Variants in XIRP2 observed in about 807,000 individuals in gnomAD.
The protein encoded by XIRP2 is xin actin-binding repeat-containing protein 2.
A neutral mutation model predicts 277.0 loss-of-function variants in XIRP2; 236 were observed. The ratio of observed to expected loss-of-function variants is 0.85; its 90% CI spans 0.77 to 0.95. XIRP2 has a LOEUF of 0.95. Ranked by LOEUF, XIRP2 falls within the 40% of genes least tolerant of loss-of-function variation. The probability of loss-of-function intolerance (pLI) is 0.00; values close to 1 mark genes in which losing one functional copy is unlikely to be tolerated. For synonymous variants in XIRP2, 1,490 were observed against 1,416.5 expected, an observed-to-expected ratio of 1.05 and a Z score of -1.17; for missense variants, 4,640 against 4,157.5, an observed-to-expected ratio of 1.12 and a Z score of -3.19.
chr2:167,125,537 T>C (rs1691176567), intron 2 of XIRP2, among the ~76,000 whole-genome samples: 1 of 152,158 alleles, frequency 6.6e-6, no homozygotes, highest in Admixed American at 6.6e-5. Context: ...AAAATAGAGG[T>C]AGCTACCTCA....
chr2:167,192,928 T>C (rs1419724797), intron 3 of XIRP2, among the ~76,000 whole-genome samples: 1 of 152,188 alleles, frequency 6.6e-6, no homozygotes, highest in Non-Finnish European at 1.5e-5. Flanking sequence ...GTAGAAAATA[T>C]GCTAGTCCTC....
intron 2 of XIRP2, among the ~76,000 whole-genome samples, chr2:166,981,698 G>T (rs555291538): frequency 1.3e-5 from 2 of 152,244 alleles, no homozygotes; most frequent in East Asian, 3.9e-4. Context: ...ACCGCACCCA[G>T]TTCCTTCTCC....
intron 3 of XIRP2, among the ~76,000 whole-genome samples, chr2:167,186,590 T>C (rs1310200959): frequency 6.6e-6 from 1 of 152,108 alleles, no homozygotes; most frequent in Non-Finnish European, 1.5e-5. Context: ...ATGGCAATGC[T>C]CATTGGGTTC....
At chr2:167,206,269 T>C (rs993839622) in intron 3 of XIRP2, among the ~76,000 whole-genome samples, 2 of 152,304 alleles carry the variant, frequency 1.3e-5, no homozygotes, top group Non-Finnish European at 2.9e-5. Context: ...CAATTTTTTT[T>C]CTTCTAGTAT....
At chr2:167,021,393 CAAA>C (rs1687977030) in intron 2 of XIRP2, among the ~76,000 whole-genome samples, 1 of 151,996 alleles carries the variant, frequency 6.6e-6, no homozygotes, top group Admixed American at 6.6e-5. Context: ...TGTCTGCTCC[CAAA>C]ACAGTATATT....
At chr2:167,023,803 C>A (rs2105489848) in intron 2 of XIRP2, among the ~76,000 whole-genome samples, 1 of 152,142 alleles carries the variant, frequency 6.6e-6, no homozygotes, top group Admixed American at 6.6e-5. Flanking sequence ...CTGTTCTGTT[C>A]CATTGATCTA....
At chr2:167,104,091 A>G (rs921687219) in intron 2 of XIRP2, among the ~76,000 whole-genome samples, 3 of 152,154 alleles carry the variant, frequency 2.0e-5, no homozygotes, top group Admixed American at 1.3e-4. Context: ...GCACACCAGT[A>G]TGATATGAGG....
intron 2 of XIRP2, among the ~76,000 whole-genome samples, chr2:166,904,230 A>C (rs1404699318): frequency 6.6e-6 from 1 of 152,164 alleles, no homozygotes; most frequent in Non-Finnish European, 1.5e-5. Flanking sequence ...CAAACATTTA[A>C]CAAATGGTGT....
At chr2:167,151,225 T>C (rs1463496584) in intron 3 of XIRP2, among the ~76,000 whole-genome samples, 2 of 152,128 alleles carry the variant, frequency 1.3e-5, no homozygotes, top group Non-Finnish European at 2.9e-5. Flanking sequence ...CCTTATAGGA[T>C]GCAGTTCAGG....
Position 167,244,523 on chromosome 2 carries a change from C to T in XIRP2, c.3131C>T (p.Ala1044Val). 6.2e-7 allele frequency: 1 copy of T among 1,613,474 alleles called. No individual in the cohort carries two copies. The highest frequency in any genetic ancestry group is 8.5e-7 in the Non-Finnish European group (1 of 1,179,730). ...TTTCAAATAATTAGAGGAATATCTG[C>T]TCAAGAAATACAGACTGGAAATGTG... ...HKFQIIRGIS[A>V]QEIQTGNVKS... is the part of the protein sequence containing the mutation. Residue 1044 changes from alanine to valine, a missense_variant, in exon 9 of 11, where the codon GCT (alanine) becomes GTT (valine). Transcript: ENST00000409195.
intron 3 of XIRP2, among the ~76,000 whole-genome samples, chr2:167,192,391 G>A (rs1311429542): frequency 6.6e-6 from 1 of 152,102 alleles, no homozygotes; most frequent in Admixed American, 6.6e-5. Context: ...ATTCAGCACT[G>A]CCCTAATAAG....
intron 3 of XIRP2, among the ~76,000 whole-genome samples, chr2:167,198,165 A>C (rs1173736487): frequency 1.3e-5 from 2 of 152,210 alleles, no homozygotes; most frequent in Non-Finnish European, 2.9e-5. Flanking sequence ...CTATTAAATT[A>C]CTTCCACTCT....
intron 2 of XIRP2, among the ~76,000 whole-genome samples, chr2:166,955,054 T>G (rs1686126963): frequency 6.6e-6 from 1 of 151,902 alleles, no homozygotes; most frequent in Non-Finnish European, 1.5e-5. Flanking sequence ...CCTGTACATG[T>G]ACCCCGGAAC....
intron 2 of XIRP2, among the ~76,000 whole-genome samples, chr2:166,952,620 T>C (rs1686064706): frequency 6.6e-6 from 1 of 151,998 alleles, no homozygotes; most frequent in Non-Finnish European, 1.5e-5. Context: ...CCTGAAATAA[T>C]AAATTATTAG....
At chr2:166,911,610 T>C (rs1684702503) in intron 2 of XIRP2, among the ~76,000 whole-genome samples, 1 of 152,198 alleles carries the variant, frequency 6.6e-6, no homozygotes, top group Non-Finnish European at 1.5e-5. Context: ...CCCATTTCAA[T>C]TTAAGGTTAA....
intron 3 of XIRP2, among the ~76,000 whole-genome samples, chr2:167,204,740 G>T (rs751131088): frequency 6.6e-6 from 1 of 151,964 alleles, no homozygotes; most frequent in Non-Finnish European, 1.5e-5. Flanking sequence ...GCCCATCAGT[G>T]TTCTTTATTG....
Position 167,246,416 on chromosome 2 carries a change from A to T in XIRP2, c.5024A>T (p.Lys1675Ile). The T allele has an allele frequency of 6.2e-7, 1 of 1,613,736 alleles. No homozygotes were observed. Among genetic ancestry groups the T allele is most frequent in the Non-Finnish European group, 8.5e-7 (1 of 1,179,780 alleles). Residue 1675 changes from lysine (K) to isoleucine (I), a missense_variant, in exon 9 of 11, where the codon AAA becomes ATA. Physicochemically the swap from Lys to Ile is moderately radical, Grantham distance 102. Coordinates refer to ENST00000409195, the MANE Select transcript of XIRP2 (RefSeq NM_152381.6). ...TTCTCTGAGGAAAGATCTGTAAAGAAAGGCATCTTAATTCAGGAAGATGAA... is the reference window on the plus strand; with the variant it reads ...TTCTCTGAGGAAAGATCTGTAAAGATAGGCATCTTAATTCAGGAAGATGAA... ...NLFSEERSVK[K>I]GILIQEDEKG... is the part of the protein sequence containing the mutation.
intron 2 of XIRP2, among the ~76,000 whole-genome samples, chr2:166,922,997 G>A (rs1685095213): frequency 6.6e-6 from 1 of 151,318 alleles, no homozygotes; most frequent in Admixed American, 6.6e-5. Flanking sequence ...AGGGTATTCA[G>A]CATCTGAGTT....
At chr2:167,183,970 T>C (rs879259843) in intron 3 of XIRP2, among the ~76,000 whole-genome samples, 2 of 152,198 alleles carry the variant, frequency 1.3e-5, no homozygotes, top group Admixed American at 6.5e-5. Context: ...GATCCTTTTC[T>C]CCTCAACATG....
Sources: allele counts gnomAD v4.1 joint callset (sites outside exome capture counted in the v4.1 genomes callset), GRCh38; gene constraint gnomAD v4.1.1; transcripts MANE v1.5; gene names NCBI Gene and HGNC (gene_info 2026-07-23, HGNC 2026-07-21).